Variants in PAK5 observed in about 807,000 individuals in gnomAD.
PAK5 encodes the protein serine/threonine-protein kinase PAK 5.
PAK5 carries 16 observed loss-of-function variants against 65.9 expected under a neutral mutation model. The ratio of observed to expected loss-of-function variants is 0.24; its 90% CI spans 0.16 to 0.37. The LOEUF (loss-of-function observed/expected upper bound fraction) is 0.37. Among genes scored for constraint, PAK5 ranks in the 10% least tolerant of loss-of-function variants. PAK5 has a pLI of 1.00. For synonymous variants in PAK5, 371 were observed against 354.9 expected (o/e 1.05, Z -0.51); for missense variants, 785 against 903.9 (o/e 0.87, Z 1.69).
At chr20:9,619,068 G>T (rs2046723337) in intron 3 of PAK5, among the ~76,000 whole-genome samples, 1 of 151,424 alleles carries the variant, frequency 6.6e-6, no homozygotes, top group African/African-American at 2.4e-5. Flanking sequence ...GACTACAGGT[G>T]TGTACCACCA....
At chr20:9,599,848 AT>A (rs889485380) in intron 3 of PAK5, among the ~76,000 whole-genome samples, 1 of 152,144 alleles carries the variant, frequency 6.6e-6, no homozygotes, top group African/African-American at 2.4e-5. Flanking sequence ...AAAGTTTTGC[AT>A]TTTGATAAGT....
chr20:9,630,208 C>G (rs538552189), intron 3 of PAK5, among the ~76,000 whole-genome samples: 1 of 152,250 alleles, frequency 6.6e-6, no homozygotes, highest in Non-Finnish European at 1.5e-5. Flanking sequence ...CTCTGGATGG[C>G]ACAGATGCTA....
rs904558622 is a variant in PAK5, at chr20:9,643,172, T to G, written c.204+953A>C. 3.3e-5 allele frequency among the ~76,000 whole-genome samples: 5 copies of G among 152,362 alleles called. No homozygotes were observed. The East Asian group carries it at 9.6e-4, about 29-fold the overall frequency. On this transcript the variant is annotated intron_variant, in intron 3 of 9. Coordinates refer to ENST00000353224, the MANE Select transcript of PAK5 (RefSeq NM_177990.4). ...TTCAAATAGCACAGATGTCTACTAA[T>G]ATAATGAACAAGGAAAGAATCTGAA...
chr20:9,712,606 T>C (rs1460373910), intron 1 of PAK5, among the ~76,000 whole-genome samples: 1 of 152,184 alleles, frequency 6.6e-6, no homozygotes, highest in African/African-American at 2.4e-5. Context: ...TTAAAGTACT[T>C]GATTTCAGTT....
At chr20:9,794,192 G>A (rs2049080678) in intron 1 of PAK5, among the ~76,000 whole-genome samples, 1 of 151,868 alleles carries the variant, frequency 6.6e-6, no homozygotes, top group African/African-American at 2.4e-5. Flanking sequence ...TGGGGGCAAG[G>A]GGAGGGAGAG....
intron 1 of PAK5, among the ~76,000 whole-genome samples, chr20:9,755,500 A>G (rs2048623641): frequency 6.6e-6 from 1 of 152,198 alleles, no homozygotes; most frequent in Non-Finnish European, 1.5e-5. Flanking sequence ...GCTGGCAGCT[A>G]GTTTTCAAAG....
intron 1 of PAK5, among the ~76,000 whole-genome samples, chr20:9,811,563 G>A (rs747239495): frequency 1.3e-5 from 2 of 152,178 alleles, no homozygotes; most frequent in Non-Finnish European, 2.9e-5. Flanking sequence ...TTGCATGACT[G>A]CCTGAGACTG....
At chr20:9,812,150 AG>A in intron 1 of PAK5, among the ~76,000 whole-genome samples, 1 of 152,286 alleles carries the variant, frequency 6.6e-6, no homozygotes, top group East Asian at 1.9e-4. Flanking sequence ...TCTAGTTCCT[AG>A]GAAGACAGCA....
At chr20:9,542,888 A>G (rs943245391) in intron 8 of PAK5, among the ~76,000 whole-genome samples, 168 bp from the exon 9 acceptor site, 1 of 152,238 alleles carries the variant, frequency 6.6e-6, no homozygotes, top group Non-Finnish European at 1.5e-5. Context: ...AGTTTTTGCT[A>G]ACAGTCTTTG....
At chr20:9,819,022 C>A (rs2049389616) in intron 1 of PAK5, among the ~76,000 whole-genome samples, 1 of 152,110 alleles carries the variant, frequency 6.6e-6, no homozygotes, top group African/African-American at 2.4e-5. Flanking sequence ...ACTTAAATCA[C>A]TGAGAGAAAA....
Position 9,539,378 on chromosome 20 carries a change from T to G in PAK5, c.*84A>C, listed in dbSNP as rs1022145473. ...TTGGCTGGTCTAGAATGCACAGGCC[T>G]TTTGCATGTTCTGTGTTTCCTTTTG... On this transcript the variant is annotated 3_prime_UTR_variant, in exon 10 of 10. Coordinates refer to ENST00000353224, the MANE Select transcript of PAK5 (RefSeq NM_177990.4). The G allele has an allele frequency of 4.4e-6, 6 of 1,375,196 alleles. No homozygotes were observed. The highest frequency in any genetic ancestry group is 5.1e-6 in the Non-Finnish European group (5 of 977,102). 85.2% of individuals were successfully genotyped at this position (1,375,196 alleles called of 1,614,324 possible).
chr20:9,670,055 A>G (rs1392608006), intron 2 of PAK5, among the ~76,000 whole-genome samples: 2 of 151,972 alleles, frequency 1.3e-5, no homozygotes, highest in African/African-American at 2.4e-5. Flanking sequence ...GTTTCCTGAG[A>G]ATGATGGTTT....
chr20:9,592,095 G>T (rs1332768878), intron 3 of PAK5, among the ~76,000 whole-genome samples: 1 of 152,134 alleles, frequency 6.6e-6, no homozygotes, highest in Non-Finnish European at 1.5e-5. Flanking sequence ...TCTTCCATAT[G>T]TCTCAAAAGT....
chr20:9,721,982 C>A (rs954489703), intron 1 of PAK5, among the ~76,000 whole-genome samples: 6 of 152,062 alleles, frequency 3.9e-5, no homozygotes, highest in African/African-American at 9.7e-5. Flanking sequence ...AACTTTATTC[C>A]TTTAGGCTAT....
At chr20:9,669,829 T>A (rs954503063) in intron 2 of PAK5, among the ~76,000 whole-genome samples, 2 of 152,164 alleles carry the variant, frequency 1.3e-5, no homozygotes, top group African/African-American at 4.8e-5. Context: ...CGTGCAGGTT[T>A]GTTACATACG....
At position 9,606,386 on chromosome 20, in the gene PAK5, T is replaced by C. The variant is rs145930169; in HGVS notation, c.205-25456A>G. 2.4e-3 allele frequency among the ~76,000 whole-genome samples: 366 copies of C among 152,312 alleles called. 4 individuals are homozygous for C. Among genetic ancestry groups the C allele is most frequent in the African/African-American group, 8.6e-3 (356 of 41,546 alleles). ...TGCAGAGGAGGTGAGCCAATTACTC[T>C]TTTCTTTATAAATTACCCAGTCTTA... On this transcript the variant is annotated intron_variant, in intron 3 of 9. Coordinates refer to ENST00000353224, the MANE Select transcript of PAK5 (RefSeq NM_177990.4).
At position 9,641,777 on chromosome 20, in the gene PAK5, C is replaced by T. The variant is rs867621215; in HGVS notation, c.204+2348G>A. On this transcript the variant is annotated intron_variant, in intron 3 of 9. Coordinates refer to ENST00000353224, the MANE Select transcript of PAK5 (RefSeq NM_177990.4). ...CCCGGCGAGAAATCGAGCACAGCGC[C>T]GGTGGGCCGGCACTGCTGGGGGACT... Among the ~76,000 whole-genome samples, 61 of 152,254 alleles carry T rather than the reference C, an allele frequency of 4.0e-4. No homozygotes were observed. The Middle Eastern group carries it at 0.014, about 34-fold the overall frequency.
intron 2 of PAK5, among the ~76,000 whole-genome samples, chr20:9,654,810 T>G (rs1600203103): frequency 6.6e-6 from 1 of 152,182 alleles, no homozygotes. Context: ...CCCCTCTAAC[T>G]TCTCCCTCCC....
chr20:9,661,681 G>C (rs1246926365), intron 2 of PAK5, among the ~76,000 whole-genome samples: 1 of 152,048 alleles, frequency 6.6e-6, no homozygotes, highest in Non-Finnish European at 1.5e-5. Context: ...TAAAATATAA[G>C]TTTCTGTAAC....
Sources: allele counts gnomAD v4.1 joint callset (sites outside exome capture counted in the v4.1 genomes callset), GRCh38; gene constraint gnomAD v4.1.1; transcripts MANE v1.5; gene names NCBI Gene and HGNC (gene_info 2026-07-23, HGNC 2026-07-21).